The following STK3 variants were observed in gnomAD, a reference collection of about 807,000 sequenced individuals.
STK3 encodes serine/threonine-protein kinase 3.
In STK3, 41 loss-of-function variants were observed where a neutral mutation model predicts 58.0. The ratio of observed to expected loss-of-function variants is 0.71; its 90% CI spans 0.55 to 0.92. The LOEUF is 0.92. Ranked by LOEUF, STK3 falls within the 40% of genes least tolerant of loss-of-function variation. The pLI is 0.00. For missense variants in STK3, 479 were observed against 602.7 expected, an observed-to-expected ratio of 0.79 and a Z score of 2.15; for synonymous variants, 170 against 191.0, an observed-to-expected ratio of 0.89 and a Z score of 0.91.
chr8:98,875,265 T>C (rs1837526775), intron 3 of STK3: 1 of 152,182 alleles, frequency 6.6e-6, no homozygotes, highest in Admixed American at 6.5e-5. Flanking sequence ...AAATATTCTT[T>C]AAGGATGTTG....
intron 3 of STK3, among the ~76,000 whole-genome samples, chr8:98,837,642 A>G (rs552122694): frequency 1.1e-4 from 17 of 152,146 alleles, no homozygotes; most frequent in Non-Finnish European, 2.4e-4. Context: ...ATATAAGGAA[A>G]CTTGTCCAGG....
At chr8:98,372,645 A>G (rs935903125) in intron 2 of STK3, among the ~76,000 whole-genome samples, 6 of 152,124 alleles carry the variant, frequency 3.9e-5, no homozygotes, top group Admixed American at 3.9e-4. Context: ...CCTCGCTACT[A>G]TTTATCCACT....
chr8:98,858,321 T>TAGAGAGAGAG lies in STK3; in HGVS notation c.110+25325_110+25326insCTCTCTCTCT, dbSNP rs1404140117. Among the ~76,000 whole-genome samples the TAGAGAGAGAG allele has an allele frequency of 8.4e-3, 266 of 31,848 alleles. 3 individuals carry two copies. The highest frequency in any genetic ancestry group is 0.014 in the South Asian group (5 of 366). 20.9% of individuals were successfully genotyped at this position (31,848 alleles called of 152,430 possible). A position where few individuals can be genotyped will look rare whatever the true frequency, so the allele number is the denominator to read the frequency against. On this transcript the variant is annotated intron_variant, in intron 3 of 12. Transcript: ENST00000523601. Reference sequence around the variant, plus strand: ...ATATATATATATATATATATATATATATAGAGAGAGAGAGAGAGAGAGAGA... The same window carrying TAGAGAGAGAG: ...ATATATATATATATATATATATATATAGAGAGAGAGATAGAGAGAGAGAGAGAGAGAGAGA...
At chr8:98,942,391 C>G (rs1455285256) in exon 1 of STK3, 1 of 152,278 alleles carries the variant, frequency 6.6e-6, no homozygotes, top group Admixed American at 6.5e-5. Context: ...TTCAAGAGAC[C>G]GTAGTCGTGC....
At chr8:98,892,755 C>T (rs776188183) in intron 1 of STK3, among the ~76,000 whole-genome samples, 2 of 152,174 alleles carry the variant, frequency 1.3e-5, no homozygotes, top group Non-Finnish European at 2.9e-5. Flanking sequence ...TTCACAAATG[C>T]CAGAACTCTT....
Position 98,717,190 on chromosome 8 carries a change from T to TA in STK3, c.352-9880dup, listed in dbSNP as rs919095209. On this transcript the variant is annotated intron_variant, in intron 4 of 10. Transcript: ENST00000419617. Reference sequence around the variant, plus strand: ...CAGACAAATTGGACTTCATGAAAATTAAAAAAAAAAACCTGTGCATCCCAA... The same window carrying TA: ...CAGACAAATTGGACTTCATGAAAATTAAAAAAAAAAAACCTGTGCATCCCAA... Among the ~76,000 whole-genome samples the TA allele has an allele frequency of 2.7e-3, 377 of 141,686 alleles. 1 individual carries two copies. The highest frequency in any genetic ancestry group is 6.9e-3 in the African/African-American group (267 of 38,758). 93.0% of individuals were successfully genotyped at this position (141,686 alleles called of 152,430 possible). A position where few individuals can be genotyped will look rare whatever the true frequency, so the allele number is the denominator to read the frequency against.
chr8:98,501,312 T>C (rs1473653502), intron 10 of STK3, among the ~76,000 whole-genome samples: 2 of 152,300 alleles, frequency 1.3e-5, no homozygotes, highest in East Asian at 3.9e-4. Flanking sequence ...CAGCCCTTTG[T>C]CAGATGGGTA....
chr8:98,462,877 GGT>G (rs1440809808), intron 10 of STK3: 1 of 151,938 alleles, frequency 6.6e-6, no homozygotes, highest in Admixed American at 6.6e-5. Context: ...TCTTTTCAGG[GGT>G]GTTATAGAAC....
intron 1 of STK3, among the ~76,000 whole-genome samples, chr8:98,384,118 C>T (rs1215475418): frequency 6.6e-6 from 1 of 152,210 alleles, no homozygotes; most frequent in Non-Finnish European, 1.5e-5. Flanking sequence ...AGATTAGGCA[C>T]CATACAGGCC....
intron 10 of STK3, among the ~76,000 whole-genome samples, chr8:98,515,016 A>T (rs1824820545): frequency 6.6e-6 from 1 of 152,096 alleles, no homozygotes; most frequent in Admixed American, 6.6e-5. Context: ...TATAAAACTG[A>T]TGATCAGATC....
chr8:98,843,553 T>G (rs1182439387), intron 3 of STK3, among the ~76,000 whole-genome samples: 1 of 152,214 alleles, frequency 6.6e-6, no homozygotes, highest in Non-Finnish European at 1.5e-5. Flanking sequence ...AGAAAAATAC[T>G]ATCTTTTGGT....
At chr8:98,936,304 A>C (rs1019302720) in intron 1 of STK3, among the ~76,000 whole-genome samples, 7 of 152,126 alleles carry the variant, frequency 4.6e-5, no homozygotes, top group Admixed American at 4.6e-4. Context: ...CTTGCCCAAC[A>C]TAATAGAGCT....
chr8:98,548,139 T>C lies in STK3; in HGVS notation c.971A>G (p.His324Arg). 2 of 1,566,090 alleles carry C rather than the reference T, an allele frequency of 1.3e-6. No homozygotes were observed. Among genetic ancestry groups the C allele is most frequent in the Non-Finnish European group, 1.7e-6 (2 of 1,158,214 alleles). The change falls in exon 9 of 11, where the codon CAC becomes CGC. Residue 324 changes from histidine (H) to arginine (R), a missense_variant. Around this residue, in one of 3 missense-constraint regions of STK3, gnomAD observed 309 missense variants for 355.7 expected, o/e 0.87. Transcript: ENST00000419617. ...ENSDEDELDS[H>R]TMVKTSVESV... Reference sequence around the variant, plus strand: ...CTCCACACTAGTCTTCACCATGGTGTGGGAATCCAGCTCATCTTCATCCTG... The same window carrying C: ...CTCCACACTAGTCTTCACCATGGTGCGGGAATCCAGCTCATCTTCATCCTG...
At chr8:98,833,711 TGCCTAAACTC>T (rs1198335280) in intron 3 of STK3, among the ~76,000 whole-genome samples, 5 of 152,238 alleles carry the variant, frequency 3.3e-5, no homozygotes, top group Non-Finnish European at 7.3e-5. Context: ...TGGTCAGTTG[TGCCTAAACTC>T]TACTTCCTTC....
At chr8:98,728,887 T>C (rs1178813250) in intron 4 of STK3, among the ~76,000 whole-genome samples, 1 of 152,052 alleles carries the variant, frequency 6.6e-6, no homozygotes, top group Non-Finnish European at 1.5e-5. Flanking sequence ...TAATAATCAA[T>C]AATGCAAACT....
At chr8:98,479,502 GC>G (rs1281991036) in intron 10 of STK3, among the ~76,000 whole-genome samples, 496 of 27,208 alleles carry the variant, frequency 0.018, 1 homozygote, top group African/African-American at 0.02. Flanking sequence ...GGGGGGGGGG[GC>G]GGGAAAGGTG....
chr8:98,589,421 G>T (rs1202044701), intron 7 of STK3, among the ~76,000 whole-genome samples: 12 of 152,226 alleles, frequency 7.9e-5, no homozygotes, highest in Non-Finnish European at 1.8e-4. Flanking sequence ...GGGGTCAGGG[G>T]TCATGCACCC....
In STK3 at chr8:98,926,499, G is replaced by A. The variant is rs190024691; in HGVS notation, c.-79+15879C>T. 2.6e-5 allele frequency among the ~76,000 whole-genome samples: 4 copies of A among 152,002 alleles called. No individual in the cohort carries two copies. The East Asian group carries it at 7.7e-4, about 29-fold the overall frequency. On this transcript the variant is annotated intron_variant, in intron 1 of 1. Transcript: ENST00000519420. ...GTGATGCCCCCATATTAGTGCCCTG[G>A]GCTAAGACATTGAAAATAATACTCT...
chr8:98,414,789 C>T (rs960530017), intron 3 of STK3, among the ~76,000 whole-genome samples: 6 of 152,168 alleles, frequency 3.9e-5, no homozygotes, highest in Admixed American at 2.6e-4. Context: ...ACTATAAAAA[C>T]ATCCTGTATC....
Sources: gnomAD v4.1 joint callset for allele counts (sites outside exome capture counted in the v4.1 genomes callset) on GRCh38, gnomAD v4.1.1 for gene constraint, gnomAD v4.1.1 regional missense constraint, MANE v1.5 for transcripts, NCBI Gene and HGNC (gene_info 2026-07-23, HGNC 2026-07-21) for gene names.